Variants in NKAIN2 observed in about 807,000 individuals in gnomAD.
NKAIN2 encodes the protein sodium/potassium transporting ATPase interacting 2.
In NKAIN2, 14 loss-of-function variants were observed where a neutral mutation model predicts 32.6. The observed-to-expected ratio is 0.43, with a 90% confidence interval of 0.28 to 0.67. NKAIN2 has a LOEUF of 0.67. Ranked by LOEUF, NKAIN2 falls within the 30% of genes least tolerant of loss-of-function variation. The pLI is 0.17. For synonymous variants in NKAIN2, 80 were observed against 87.2 expected (o/e 0.92, Z 0.46); for missense variants, 198 against 258.3 (o/e 0.77, Z 1.60).
At chr6:124,412,454 G>T (rs188500041) in intron 3 of NKAIN2, among the ~76,000 whole-genome samples, 10 of 152,294 alleles carry the variant, frequency 6.6e-5, no homozygotes, top group Non-Finnish European at 1.2e-4. Flanking sequence ...GACCCTGTTT[G>T]CCTGGGTATC....
At chr6:124,233,292 A>G (rs966435304) in intron 1 of NKAIN2, among the ~76,000 whole-genome samples, 1 of 151,914 alleles carries the variant, frequency 6.6e-6, no homozygotes. Context: ...TACAAACCAT[A>G]ATTATATTCT....
At chr6:124,447,032 C>G (rs1775921805) in intron 3 of NKAIN2, among the ~76,000 whole-genome samples, 2 of 152,088 alleles carry the variant, frequency 1.3e-5, no homozygotes, top group Admixed American at 6.6e-5. Context: ...TTGAGATACC[C>G]TGGATGGCTT....
chr6:124,017,403 A>T (rs777335727), intron 1 of NKAIN2, among the ~76,000 whole-genome samples: 5 of 152,104 alleles, frequency 3.3e-5, no homozygotes, highest in African/African-American at 4.8e-5. Context: ...AAAACCAGTC[A>T]TGCCTTCCCA....
chr6:124,148,593 G>A (rs904262146), intron 1 of NKAIN2, among the ~76,000 whole-genome samples: 2 of 152,026 alleles, frequency 1.3e-5, no homozygotes, highest in African/African-American at 4.8e-5. Flanking sequence ...GTTTGGGACT[G>A]GCTTCTTACA....
chr6:124,181,984 T>C (rs1789467940), intron 1 of NKAIN2, among the ~76,000 whole-genome samples: 2 of 152,186 alleles, frequency 1.3e-5, no homozygotes, highest in Admixed American at 6.5e-5. Flanking sequence ...TTTACTGTAT[T>C]AGTCTGTTCT....
intron 3 of NKAIN2, among the ~76,000 whole-genome samples, chr6:124,487,760 G>A (rs954489659): frequency 6.6e-6 from 1 of 152,086 alleles, no homozygotes; most frequent in African/African-American, 2.4e-5. Flanking sequence ...AGGACTAGGT[G>A]ACAGCTCAGA....
intron 6 of NKAIN2, 86 bp downstream of exon 6, chr6:124,818,554 G>A (rs1781269762): frequency 5.4e-6 from 3 of 556,394 alleles, no homozygotes; most frequent in Non-Finnish European, 6.5e-6. Flanking sequence ...ATGGCATGCA[G>A]CTTTTGTTCA....
At chr6:124,488,050 C>T (rs992940021) in intron 3 of NKAIN2, among the ~76,000 whole-genome samples, 7 of 152,018 alleles carry the variant, frequency 4.6e-5, no homozygotes, top group Non-Finnish European at 7.4e-5. Flanking sequence ...AACTTTACCA[C>T]CATATATAGT....
At chr6:124,642,791 C>G (rs535321699) in intron 3 of NKAIN2, among the ~76,000 whole-genome samples, 43 of 152,176 alleles carry the variant, frequency 2.8e-4, no homozygotes, top group African/African-American at 9.9e-4. Context: ...TTAAAATTTG[C>G]TTTTTTCCCT....
intron 1 of NKAIN2, among the ~76,000 whole-genome samples, chr6:123,807,950 T>G (rs1773289336): frequency 6.6e-6 from 1 of 152,184 alleles, no homozygotes; most frequent in Non-Finnish European, 1.5e-5. Context: ...TAATTAAGAA[T>G]GATCAGTTAC....
chr6:124,011,087 C>G (rs902966593), intron 1 of NKAIN2, among the ~76,000 whole-genome samples: 3 of 152,102 alleles, frequency 2.0e-5, no homozygotes, highest in Admixed American at 6.6e-5. Context: ...GATGCCCTTA[C>G]TCTATGTTTT....
At chr6:124,269,470 C>CTT (rs1272956099) in intron 1 of NKAIN2, among the ~76,000 whole-genome samples, 1 of 126,406 alleles carries the variant, frequency 7.9e-6, no homozygotes, top group Non-Finnish European at 1.7e-5. Context: ...TTTTCTTTTT[C>CTT]TTTTTTTTTT....
At chr6:123,918,308 ACAT>A (rs1775590607) in intron 1 of NKAIN2, among the ~76,000 whole-genome samples, 1 of 152,254 alleles carries the variant, frequency 6.6e-6, no homozygotes, top group Non-Finnish European at 1.5e-5. Context: ...TAAAAGTACA[ACAT>A]AGCTATATGC....
chr6:123,832,993 C>T (rs988534556), intron 1 of NKAIN2, among the ~76,000 whole-genome samples: 1 of 152,038 alleles, frequency 6.6e-6, no homozygotes, highest in Non-Finnish European at 1.5e-5. Context: ...TTTTATGGAT[C>T]ATCTCTTTGG....
intron 3 of NKAIN2, among the ~76,000 whole-genome samples, chr6:124,638,074 G>C (rs1313037740): frequency 1.3e-5 from 2 of 152,142 alleles, no homozygotes; most frequent in Non-Finnish European, 2.9e-5. Flanking sequence ...ACATAGACCA[G>C]TGGAACAGAA....
intron 3 of NKAIN2, among the ~76,000 whole-genome samples, chr6:124,640,243 G>A (rs2114350999): frequency 6.6e-6 from 1 of 152,222 alleles, no homozygotes; most frequent in Non-Finnish European, 1.5e-5. Flanking sequence ...CAGTAATGGT[G>A]GGGAACTATT....
intron 3 of NKAIN2, among the ~76,000 whole-genome samples, chr6:124,364,757 A>G (rs952154659): frequency 1.3e-5 from 2 of 151,988 alleles, no homozygotes; most frequent in Non-Finnish European, 2.9e-5. Flanking sequence ...CAGAGTGAGA[A>G]AAAAAACACC....
chr6:124,732,456 T>C (rs1485877739), intron 4 of NKAIN2, among the ~76,000 whole-genome samples: 1 of 152,104 alleles, frequency 6.6e-6, no homozygotes, highest in Non-Finnish European at 1.5e-5. Context: ...ATTCCATTAA[T>C]AAATGGTCAC....
rs868829536 is a variant in NKAIN2, at chr6:123,911,795, A to G, written c.54+107541A>G. On this transcript the variant is annotated intron_variant, in intron 1 of 6. Transcript: ENST00000368417. ...TATACATACATACATATATATATAT[A>G]TATATGTATATATATATACACACAC... Among the ~76,000 whole-genome samples the G allele has an allele frequency of 4.8e-3, 494 of 102,758 alleles. 31 individuals carry two copies. Among genetic ancestry groups the G allele is most frequent in the African/African-American group, 0.021 (468 of 21,842 alleles). 67.4% of individuals were successfully genotyped at this position (102,758 alleles called of 152,430 possible).
Sources: allele counts gnomAD v4.1 joint callset (sites outside exome capture counted in the v4.1 genomes callset), GRCh38; gene constraint gnomAD v4.1.1; transcripts MANE v1.5; gene names NCBI Gene and HGNC (gene_info 2026-07-23, HGNC 2026-07-21).